The following TANGO2 variants were observed in gnomAD, a reference collection of about 807,000 sequenced individuals.
TANGO2 encodes transport and Golgi organization protein 2 homolog.
In TANGO2, 26 loss-of-function variants were observed where a neutral mutation model predicts 39.1. That is an observed-to-expected ratio of 0.67 (90% CI 0.49 to 0.92). The LOEUF is 0.92. TANGO2 is among the 40% of genes least tolerant of loss of function. TANGO2 has a pLI of 0.00. For synonymous variants in TANGO2, 131 were observed against 144.5 expected, an observed-to-expected ratio of 0.91 and a Z score of 0.67; for missense variants, 326 against 360.1, an observed-to-expected ratio of 0.91 and a Z score of 0.77.
intron 1 of TANGO2, among the ~76,000 whole-genome samples, chr22:20,034,203 C>CAAA (rs2147002860): frequency 6.6e-6 from 1 of 151,858 alleles, no homozygotes; most frequent in Non-Finnish European, 1.5e-5. Flanking sequence ...AAAACAACAA[C>CAAA]AACAAAAAAA....
At chr22:20,031,332 G>A (rs2041823978) in intron 1 of TANGO2, among the ~76,000 whole-genome samples, 2 of 152,210 alleles carry the variant, frequency 1.3e-5, no homozygotes, top group Non-Finnish European at 2.9e-5. Context: ...GCACCTGGGC[G>A]ACAGAGTGGA....
At chr22:20,020,076 G>A (rs7288996), upstream of TANGO2, among the ~76,000 whole-genome samples, 26,645 of 152,236 alleles carry the variant, frequency 0.18, 3,106 homozygotes, top group Non-Finnish European at 0.25. Flanking sequence ...GGGCACCTAG[G>A]TCTTCAACAC....
At chr22:20,022,053 C>T (rs2039801295) in intron 1 of TANGO2, among the ~76,000 whole-genome samples, 1 of 152,232 alleles carries the variant, frequency 6.6e-6, no homozygotes, top group Admixed American at 6.5e-5. Context: ...GTGCCCTCTT[C>T]CATGAGGCAG....
Position 20,056,810 on chromosome 22 carries a change from C to T in TANGO2, c.451+797C>T. Reference sequence around the variant, plus strand: ...TAGCCTAGGTTCCGGGGACTGCTGGCTCACTCACTCCCACACTCGCTGCCC... The same window carrying T: ...TAGCCTAGGTTCCGGGGACTGCTGGTTCACTCACTCCCACACTCGCTGCCC... On this transcript the variant is annotated intron_variant, in intron 6 of 8. Transcript: ENST00000327374. 2 of 456,694 alleles carry T rather than the reference C, an allele frequency of 4.4e-6. 1 individual carries two copies. The highest frequency in any genetic ancestry group is 3.1e-5 in the South Asian group (2 of 64,572). 28.3% of individuals were successfully genotyped at this position (456,694 alleles called of 1,614,324 possible). A position where few individuals can be genotyped will look rare whatever the true frequency, so the allele number is the denominator to read the frequency against.
chr22:20,052,594 G>A lies in TANGO2; in HGVS notation c.265+10G>A. The A allele has an allele frequency of 1.3e-6, 2 of 1,555,044 alleles. No homozygotes were observed. The highest frequency in any genetic ancestry group is 1.7e-6 in the Non-Finnish European group (2 of 1,149,610). ...CAGGCCCGAGGGCGAGGTAAGGCGA[G>A]TGGGGTGGGGCCAAGGTGAGACAGG... is the stretch of plus-strand genomic sequence containing the variant. On this transcript the variant is annotated intron_variant, in intron 4 of 8. Transcript: ENST00000327374.
At chr22:20,030,087 C>T (rs759868714) in intron 1 of TANGO2, among the ~76,000 whole-genome samples, 27 of 151,378 alleles carry the variant, frequency 1.8e-4, no homozygotes, top group South Asian at 4.2e-4. Flanking sequence ...CACACTCCAG[C>T]GCATTTCCTT....
intron 1 of TANGO2, among the ~76,000 whole-genome samples, chr22:20,031,422 G>A (rs539574361): frequency 4.8e-4 from 73 of 152,190 alleles, no homozygotes; most frequent in Non-Finnish European, 6.0e-4. Flanking sequence ...ACCATGCCAC[G>A]TTGCCCTGCT....
Position 20,056,026 on chromosome 22 carries a change from T to A in TANGO2, c.451+13T>A, listed in dbSNP as rs746770636. ...GTTTTGACGCCAGGTGAGCCTGCCCTGGCAGCCTGATGGGGTGGGGGACTG... is the reference window on the plus strand; with the variant it reads ...GTTTTGACGCCAGGTGAGCCTGCCCAGGCAGCCTGATGGGGTGGGGGACTG... On this transcript the variant is annotated intron_variant, in intron 6 of 8. Coordinates refer to ENST00000327374, the MANE Select transcript of TANGO2 (RefSeq NM_152906.7). 1 of 1,611,540 alleles carries A rather than the reference T, an allele frequency of 6.2e-7. No individual in the cohort carries two copies.
At chr22:20,024,109 C>G (rs754764497) in intron 1 of TANGO2, among the ~76,000 whole-genome samples, 20 of 152,152 alleles carry the variant, frequency 1.3e-4, no homozygotes, top group Admixed American at 5.9e-4. Context: ...ATTGCTTGAA[C>G]CCAGGAGGCG....
intron 7 of TANGO2, among the ~76,000 whole-genome samples, chr22:20,062,474 T>C (rs1281836387): frequency 6.6e-6 from 1 of 151,992 alleles, no homozygotes; most frequent in African/African-American, 2.4e-5. Context: ...CTACCCTCCT[T>C]CTCCTCTGGG....
At chr22:20,037,244 G>A (rs549167036) in intron 2 of TANGO2, 10 of 913,168 alleles carry the variant, frequency 1.1e-5, no homozygotes, top group South Asian at 7.6e-5. Context: ...TCAAAGTGGC[G>A]GCCAGGCTAG....
chr22:20,029,961 T>C (rs1230764531), intron 1 of TANGO2, among the ~76,000 whole-genome samples: 1 of 152,086 alleles, frequency 6.6e-6, no homozygotes, highest in Non-Finnish European at 1.5e-5. Context: ...TTCTCAGATA[T>C]GGATGAGCCT....
At chr22:20,018,645 T>C (rs1384326876), upstream of TANGO2, among the ~76,000 whole-genome samples, 4 of 152,060 alleles carry the variant, frequency 2.6e-5, no homozygotes, top group Non-Finnish European at 5.9e-5. Flanking sequence ...CTACCACCCA[T>C]AGGGTTGCAG....
At chr22:20,031,460 G>A (rs1382071808) in intron 1 of TANGO2, among the ~76,000 whole-genome samples, 1 of 152,204 alleles carries the variant, frequency 6.6e-6, no homozygotes, top group Admixed American at 6.5e-5. Flanking sequence ...TAGGTCGGTG[G>A]CAGGACATTT....
At position 20,057,459 on chromosome 22, in the gene TANGO2, C is replaced by T. The variant is rs957301845; in HGVS notation, c.451+1446C>T. ...GCCCCCACGCCTACCAGCTGGTGCC[C>T]TCTCCTCCACCTGGGGCTTATCCTT... On this transcript the variant is annotated intron_variant, in intron 6 of 8. Coordinates refer to ENST00000327374, the MANE Select transcript of TANGO2 (RefSeq NM_152906.7). The surrounding 1 kb of genome is among the most constrained non-coding windows in gnomAD (Gnocchi z 4.1). 1.3e-5 allele frequency among the ~76,000 whole-genome samples: 2 copies of T among 152,202 alleles called. No homozygotes were observed. Among genetic ancestry groups the T allele is most frequent in the Non-Finnish European group, 2.9e-5 (2 of 68,038 alleles).
At chr22:20,043,587 G>T in intron 3 of TANGO2, 144 bp downstream of exon 3, 1 of 608,100 alleles carries the variant, frequency 1.6e-6, no homozygotes, top group Non-Finnish European at 2.9e-6. Flanking sequence ...TCGTGGTCGG[G>T]GCCAGCCCCA....
chr22:20,064,599 C>T lies in TANGO2; in HGVS notation c.768C>T (p.Ser256=). The T allele has an allele frequency of 6.2e-7, 1 of 1,614,174 alleles. No homozygotes were observed. Among genetic ancestry groups the T allele is most frequent in the South Asian group, 1.1e-5 (1 of 91,082 alleles). Residue 256 remains serine, a synonymous_variant, in exon 9 of 9, where the codon AGC becomes AGT. Transcript: ENST00000327374. ...ADGHVTFTER[S]MMDKDLSHWE... is the part of the protein sequence containing the mutation. ...GCCACGTGACCTTCACTGAGCGTAG[C>T]ATGATGGACAAGGACCTCTCCCACT...
At chr22:20,053,364 C>T (rs1359101140) in intron 4 of TANGO2, 73 bp from the exon 5 acceptor site, 6 of 1,081,566 alleles carry the variant, frequency 5.5e-6, no homozygotes, top group Middle Eastern at 2.0e-4. Context: ...CCCCAGGGGG[C>T]CCCATATCAG....
chr22:20,065,981 G>A lies in TANGO2; in HGVS notation c.*1319G>A, dbSNP rs918038765. 6.6e-6 allele frequency: 1 copy of A among 152,398 alleles called. No homozygotes were observed. The highest frequency in any genetic ancestry group is 2.1e-4 in the South Asian group (1 of 4,838). The allele number at this position is 152,398 out of a possible 1,614,324, so 9.4% of individuals were successfully genotyped here. A position where few individuals can be genotyped will look rare whatever the true frequency, so the allele number is the denominator to read the frequency against. ...GCCAGTGGGAGCTGCTATGTCTCCT[G>A]TGCAGCCAGACACCCTGGACGAGGC... On this transcript the variant is annotated 3_prime_UTR_variant, in exon 9 of 9. Coordinates refer to ENST00000327374, the MANE Select transcript of TANGO2 (RefSeq NM_152906.7).
Sources: allele counts gnomAD v4.1 joint callset (sites outside exome capture counted in the v4.1 genomes callset), GRCh38; gene constraint gnomAD v4.1.1; non-coding constraint Gnocchi (gnomAD v3.1); transcripts MANE v1.5; gene names NCBI Gene and HGNC (gene_info 2026-07-23, HGNC 2026-07-21).